Variants in WDR70 observed in about 807,000 individuals in gnomAD.
WDR70 encodes the protein WD repeat domain 70, also known as WD repeat-containing protein 70.
In WDR70, 53 loss-of-function variants were observed where a neutral mutation model predicts 88.6. The ratio of observed to expected loss-of-function variants is 0.60; its 90% confidence interval spans 0.48 to 0.75. The LOEUF (loss-of-function observed/expected upper bound fraction) is 0.75. Ranked by LOEUF, WDR70 falls within the 30% of genes least tolerant of loss-of-function variation. The pLI, the probability that WDR70 is intolerant of heterozygous loss-of-function variation, is 0.00. For synonymous variants in WDR70, 280 were observed against 270.0 expected (o/e 1.04, Z -0.36); for missense variants, 610 against 823.2 (o/e 0.74, Z 3.17).
chr5:37,666,303 A>G (rs1745842271), intron 10 of WDR70, among the ~76,000 whole-genome samples: 1 of 152,228 alleles, frequency 6.6e-6, no homozygotes, highest in Non-Finnish European at 1.5e-5. Flanking sequence ...AGTTAAAGAT[A>G]AAGAAGAAAA....
intron 9 of WDR70, among the ~76,000 whole-genome samples, chr5:37,597,230 G>A (rs1743729970): frequency 2.0e-5 from 3 of 152,220 alleles, no homozygotes; most frequent in South Asian, 4.1e-4. Context: ...AAATGACATT[G>A]CTTGTGATAT....
intron 4 of WDR70, among the ~76,000 whole-genome samples, chr5:37,392,844 A>T (rs1289752033): frequency 6.6e-6 from 1 of 151,508 alleles, no homozygotes; most frequent in Non-Finnish European, 1.5e-5. Flanking sequence ...ATGGGGTTTC[A>T]CCATGTTGGT....
chr5:37,524,279 T>C (rs1020573523), intron 9 of WDR70, among the ~76,000 whole-genome samples: 31 of 152,314 alleles, frequency 2.0e-4, no homozygotes, highest in African/African-American at 7.0e-4. Context: ...AACAGCTGAT[T>C]TCTCGGCAGA....
intron 11 of WDR70, among the ~76,000 whole-genome samples, chr5:37,699,151 G>A (rs1361557340): frequency 1.3e-5 from 2 of 151,974 alleles, no homozygotes; most frequent in Non-Finnish European, 2.9e-5. Context: ...GGAGTTAGGG[G>A]AGAAGAGGGG....
chr5:37,698,571 A>G (rs1460726384), intron 11 of WDR70, among the ~76,000 whole-genome samples: 1 of 152,202 alleles, frequency 6.6e-6, no homozygotes, highest in Non-Finnish European at 1.5e-5. Context: ...TGCTATATTT[A>G]GCTATTCATT....
intron 7 of WDR70, among the ~76,000 whole-genome samples, chr5:37,455,058 T>C (rs1433783560): frequency 6.6e-6 from 1 of 152,206 alleles, no homozygotes; most frequent in African/African-American, 2.4e-5. Context: ...ATTCAGTAGA[T>C]AATAGCTCAC....
At chr5:37,578,752 C>A (rs891295828) in intron 9 of WDR70, among the ~76,000 whole-genome samples, 5 of 152,058 alleles carry the variant, frequency 3.3e-5, no homozygotes, top group Non-Finnish European at 5.9e-5. Flanking sequence ...GAAAAATGTA[C>A]AGTGTAAAAT....
chr5:37,679,804 G>C (rs1263884516), intron 10 of WDR70, among the ~76,000 whole-genome samples: 1 of 152,234 alleles, frequency 6.6e-6, no homozygotes, highest in Non-Finnish European at 1.5e-5. Context: ...GCTTACTCCT[G>C]TCTTTTTGTT....
intron 9 of WDR70, among the ~76,000 whole-genome samples, chr5:37,545,237 C>T (rs1308475300): frequency 6.6e-6 from 1 of 152,034 alleles, no homozygotes; most frequent in Non-Finnish European, 1.5e-5. Context: ...CTCAGTCTTT[C>T]CTTCAGTTTT....
chr5:37,410,155 A>G (rs574119946), intron 5 of WDR70, among the ~76,000 whole-genome samples: 12 of 150,862 alleles, frequency 8.0e-5, no homozygotes, highest in Admixed American at 6.6e-4. Context: ...AGCTAGGACT[A>G]CAGGCGAATG....
At chr5:37,507,817 C>A (rs1429736978) in intron 8 of WDR70, among the ~76,000 whole-genome samples, 1 of 152,026 alleles carries the variant, frequency 6.6e-6, no homozygotes, top group Non-Finnish European at 1.5e-5. Context: ...TTTTTGGTTT[C>A]TAACTGTCAT....
rs993619596 is a variant in WDR70, at chr5:37,438,092, A to G, written c.552+111A>G. On this transcript the variant is annotated intron_variant, in intron 6 of 17. Transcript: ENST00000265107. ...GCTAATTATACAATCAACTGATGAC[A>G]TAAAAGCTATAGACATTAAGGAAAA... 9.4e-6 allele frequency: 8 copies of G among 848,170 alleles called. No homozygotes were observed. The African/African-American group carries it at 1.2e-4, about 13-fold the overall frequency. 52.5% of individuals were successfully genotyped at this position (848,170 alleles called of 1,614,324 possible). A position where few individuals can be genotyped will look rare whatever the true frequency, so the allele number is the denominator to read the frequency against.
intron 5 of WDR70, among the ~76,000 whole-genome samples, chr5:37,432,450 G>A (rs964157442): frequency 6.6e-6 from 1 of 152,166 alleles, no homozygotes; most frequent in Admixed American, 6.5e-5. Context: ...GTGCAGTGGC[G>A]TGATCTCGGC....
chr5:37,408,501 G>A (rs1197372892), intron 5 of WDR70, among the ~76,000 whole-genome samples: 4 of 152,020 alleles, frequency 2.6e-5, no homozygotes, highest in Non-Finnish European at 5.9e-5. Context: ...AAGGTAGAGG[G>A]ATAAGGATAA....
intron 7 of WDR70, among the ~76,000 whole-genome samples, chr5:37,478,361 C>T (rs912397849): frequency 5.9e-5 from 9 of 152,164 alleles, no homozygotes; most frequent in African/African-American, 1.9e-4. Flanking sequence ...TGTGTGCCAC[C>T]AGTAATGGGT....
intron 17 of WDR70, among the ~76,000 whole-genome samples, chr5:37,738,729 GCATACAGTTGCTGGAAA>G (rs1474679261): frequency 1.2e-4 from 18 of 152,224 alleles, no homozygotes; most frequent in Non-Finnish European, 2.5e-4. Flanking sequence ...TTTTTCTGTA[GCATACAGTTGCTGGAAA>G]AGACTCACTT....
chr5:37,417,579 C>T (rs984382689), intron 5 of WDR70, among the ~76,000 whole-genome samples: 1 of 151,840 alleles, frequency 6.6e-6, no homozygotes, highest in African/African-American at 2.4e-5. Flanking sequence ...TGCTCTGTTG[C>T]CCAGCCTGGA....
intron 9 of WDR70, among the ~76,000 whole-genome samples, chr5:37,572,485 C>T (rs1487193141): frequency 2.0e-5 from 3 of 152,068 alleles, no homozygotes; most frequent in Non-Finnish European, 4.4e-5. Flanking sequence ...TGCAATTTTG[C>T]TGCATTGATG....
rs535499461 is a variant in WDR70, at chr5:37,471,594, A to G, written c.687-8240A>G. 4.6e-5 allele frequency among the ~76,000 whole-genome samples: 7 copies of G among 151,906 alleles called. 1 individual carries two copies. The highest frequency in any genetic ancestry group is 8.8e-5 in the Non-Finnish European group (6 of 68,008). On this transcript the variant is annotated intron_variant, in intron 7 of 17. Coordinates refer to ENST00000265107, the MANE Select transcript of WDR70 (RefSeq NM_018034.4). ...CACTGTTTGTGATGTCTTTTGGTGA[A>G]TAGAAGTTACTAATTTTGATGAAGG... is the stretch of plus-strand genomic sequence containing the variant.
Sources: gnomAD v4.1 joint callset for allele counts (sites outside exome capture counted in the v4.1 genomes callset) on GRCh38, gnomAD v4.1.1 for gene constraint, MANE v1.5 for transcripts, NCBI Gene and HGNC (gene_info 2026-07-23, HGNC 2026-07-21) for gene names.